Variants in CDKAL1 observed in about 807,000 individuals in gnomAD.
CDKAL1 encodes CDKAL1 threonylcarbamoyladenosine tRNA methylthiotransferase, also known as threonylcarbamoyladenosine tRNA methylthiotransferase.
Under a neutral mutation model 68.2 loss-of-function variants are expected in CDKAL1, and 32 were observed. The ratio of observed to expected loss-of-function variants is 0.47; its 90% CI spans 0.35 to 0.63. The LOEUF (loss-of-function observed/expected upper bound fraction) is 0.63. Ranked by LOEUF, CDKAL1 falls within the 30% of genes least tolerant of loss-of-function variation. The pLI is 0.00. For missense variants in CDKAL1, 606 were observed against 696.7 expected, an observed-to-expected ratio of 0.87 and a Z score of 1.47; for synonymous variants, 234 against 244.3, an observed-to-expected ratio of 0.96 and a Z score of 0.39.
At chr6:20,814,559 C>T (rs1044989882) in intron 8 of CDKAL1, among the ~76,000 whole-genome samples, 6 of 152,148 alleles carry the variant, frequency 3.9e-5, no homozygotes, top group East Asian at 1.9e-4. Flanking sequence ...GGATTAAAGG[C>T]GTGAGCCAAC....
chr6:20,835,683 G>T (rs1038026868), intron 8 of CDKAL1, among the ~76,000 whole-genome samples: 3 of 152,074 alleles, frequency 2.0e-5, no homozygotes, highest in African/African-American at 7.2e-5. Context: ...CAGTAGCTGG[G>T]ATTACAGGCG....
intron 4 of CDKAL1, among the ~76,000 whole-genome samples, chr6:20,636,869 T>A (rs1284999204): frequency 3.3e-5 from 5 of 151,796 alleles, no homozygotes; most frequent in Non-Finnish European, 7.4e-5. Flanking sequence ...AAACCCCGTC[T>A]CTACTAAAAA....
At chr6:21,134,879 CCT>C (rs1775506782) in intron 13 of CDKAL1, among the ~76,000 whole-genome samples, 4 of 152,034 alleles carry the variant, frequency 2.6e-5, no homozygotes, top group Admixed American at 2.6e-4. Context: ...CCAGCTCTCC[CCT>C]CTCTTATTTT....
chr6:20,608,286 A>G (rs1403253101), intron 4 of CDKAL1, among the ~76,000 whole-genome samples: 1 of 152,176 alleles, frequency 6.6e-6, no homozygotes, highest in Non-Finnish European at 1.5e-5. Flanking sequence ...ATATATATAT[A>G]AAGTACACAA....
intron 9 of CDKAL1, among the ~76,000 whole-genome samples, chr6:20,913,927 G>T (rs528300789): frequency 2.8e-4 from 42 of 152,166 alleles, no homozygotes; most frequent in African/African-American, 9.2e-4. Context: ...GGAGTTTGAG[G>T]TTACATTGAG....
intron 4 of CDKAL1, among the ~76,000 whole-genome samples, chr6:20,600,921 G>A (rs1027133675): frequency 6.6e-6 from 1 of 151,760 alleles, no homozygotes; most frequent in African/African-American, 2.4e-5. Flanking sequence ...ATTAGATTAG[G>A]ATGAGAATTA....
intron 13 of CDKAL1, among the ~76,000 whole-genome samples, chr6:21,197,194 C>A (rs1430715567): frequency 6.6e-6 from 1 of 151,678 alleles, no homozygotes; most frequent in Non-Finnish European, 1.5e-5. Context: ...ATACTTGATA[C>A]CTTAAGTGCT....
At chr6:21,223,645 T>C (rs1779617835) in intron 15 of CDKAL1, among the ~76,000 whole-genome samples, 2 of 152,152 alleles carry the variant, frequency 1.3e-5, no homozygotes, top group Non-Finnish European at 2.9e-5. Context: ...AGAATACTTG[T>C]AACTAGGTGA....
At chr6:20,625,403 A>G (rs2206579) in intron 4 of CDKAL1, among the ~76,000 whole-genome samples, 45,267 of 151,964 alleles carry the variant, frequency 0.3, 6,826 homozygotes, top group Middle Eastern at 0.38. Context: ...TTGAAGAAGA[A>G]TTTCAATGGT....
intron 15 of CDKAL1, among the ~76,000 whole-genome samples, chr6:21,206,934 T>C (rs900067447): frequency 1.3e-5 from 2 of 151,926 alleles, no homozygotes; most frequent in African/African-American, 4.8e-5. Context: ...AATTTCTTTT[T>C]TTTTTCTTTT....
At chr6:20,877,843 T>C (rs1760604094) in intron 9 of CDKAL1, among the ~76,000 whole-genome samples, 1 of 152,208 alleles carries the variant, frequency 6.6e-6, no homozygotes, top group African/African-American at 2.4e-5. Context: ...CCTAGCCCCT[T>C]AGGCTGGGAA....
At chr6:21,111,618 T>C (rs2150995805) in intron 13 of CDKAL1, among the ~76,000 whole-genome samples, 1 of 152,324 alleles carries the variant, frequency 6.6e-6, no homozygotes, top group Admixed American at 6.5e-5. Context: ...AAATGGTCAG[T>C]TGGTTTTCTC....
chr6:20,609,065 A>C (rs1237573800), intron 4 of CDKAL1, among the ~76,000 whole-genome samples: 2 of 152,196 alleles, frequency 1.3e-5, no homozygotes, highest in Non-Finnish European at 2.9e-5. Context: ...CTGTGTTACG[A>C]ATGCTTTGGA....
In CDKAL1 at chr6:20,689,416, G is replaced by T. The variant is rs77949579; in HGVS notation, c.371+40039G>T. On this transcript the variant is annotated intron_variant, in intron 5 of 15. Coordinates refer to ENST00000274695, the MANE Select transcript of CDKAL1 (RefSeq NM_017774.3). ...TCTGCTCAGGCAAATTGTGATTTTT[G>T]GTATCTGCCAGTTGGTGTCTCCAAT... Among the ~76,000 whole-genome samples the T allele has an allele frequency of 4.2e-3, 642 of 152,260 alleles. 10 individuals are homozygous for T. Among genetic ancestry groups the T allele is most frequent in the African/African-American group, 0.015 (603 of 41,564 alleles).
rs1010966131 is a variant in CDKAL1, at chr6:21,134,453, G to T, written c.1299+25990G>T. Among the ~76,000 whole-genome samples the T allele has an allele frequency of 2.6e-5, 4 of 152,266 alleles. No individual in the cohort carries two copies. The East Asian group carries it at 7.7e-4, about 29-fold the overall frequency. On this transcript the variant is annotated intron_variant, in intron 13 of 15. Coordinates refer to ENST00000274695, the MANE Select transcript of CDKAL1 (RefSeq NM_017774.3). ...TTTTATGTTTTATTAATTATGTTTTGTCATAAAAGCACTGTATTCTGTGTG... is the reference window on the plus strand; with the variant it reads ...TTTTATGTTTTATTAATTATGTTTTTTCATAAAAGCACTGTATTCTGTGTG...
chr6:21,050,649 G>A (rs1388731835), intron 11 of CDKAL1, among the ~76,000 whole-genome samples: 1 of 152,200 alleles, frequency 6.6e-6, no homozygotes, highest in Non-Finnish European at 1.5e-5. Flanking sequence ...CCACTCAAAG[G>A]TGGGCATGAC....
At chr6:21,222,949 G>A (rs1779590207) in intron 15 of CDKAL1, among the ~76,000 whole-genome samples, 1 of 152,102 alleles carries the variant, frequency 6.6e-6, no homozygotes, top group Non-Finnish European at 1.5e-5. Flanking sequence ...GTGCATGTGT[G>A]TGTTCAGAGC....
At position 21,000,489 on chromosome 6, in the gene CDKAL1, CG is replaced by C. The variant is rs2150818402; in HGVS notation, c.1055+118del. On this transcript the variant is annotated intron_variant, in intron 11 of 15. Coordinates refer to ENST00000274695, the MANE Select transcript of CDKAL1 (RefSeq NM_017774.3). ...GGTACAAGAGAGAAGGCGAGACTTT[CG>C]AAGCTTTCAAAGCCTTTAAGTCTCC... The C allele has an allele frequency of 1.9e-5, 17 of 894,266 alleles. 1 individual carries two copies. The South Asian group carries it at 2.8e-4, about 15-fold the overall frequency. The allele number at this position is 894,266 out of a possible 1,614,324, so 55.4% of individuals were successfully genotyped here.
At position 21,162,705 on chromosome 6, in the gene CDKAL1, G is replaced by C. The variant is rs889697546; in HGVS notation, c.1300-35316G>C. 7.8e-4 allele frequency among the ~76,000 whole-genome samples: 119 copies of C among 152,140 alleles called. 1 individual carries two copies. The highest frequency in any genetic ancestry group is 3.4e-3 in the Middle Eastern group (1 of 294). ...CTCAGGAGGCTGAGGTGGGAGAATC[G>C]CTGGAGCCCAGGGGTTTGAGACCAG... On this transcript the variant is annotated intron_variant, in intron 13 of 15. Coordinates refer to ENST00000274695, the MANE Select transcript of CDKAL1 (RefSeq NM_017774.3).
Sources: gnomAD v4.1 joint callset for allele counts (sites outside exome capture counted in the v4.1 genomes callset) on GRCh38, gnomAD v4.1.1 for gene constraint, MANE v1.5 for transcripts, NCBI Gene and HGNC (gene_info 2026-07-23, HGNC 2026-07-21) for gene names.